Variants in CHD7 observed in about 807,000 individuals in gnomAD.
CHD7 encodes chromodomain helicase DNA binding protein 7, also known as ATP-dependent chromatin remodeler CHD7.
CHD7 carries 24 observed loss-of-function variants against 307.3 expected under a neutral mutation model. That is an observed-to-expected ratio of 0.08 (90% CI 0.06 to 0.11). The LOEUF is 0.11. CHD7 is among the 10% of genes least tolerant of loss of function. CHD7 has a pLI of 1.00. For synonymous variants in CHD7, 1,363 were observed against 1,349.9 expected, an observed-to-expected ratio of 1.01 and a Z score of -0.21; for missense variants, 3,106 against 3,727.1, an observed-to-expected ratio of 0.83 and a Z score of 4.34.
intron 7 of CHD7, 61 bp downstream of exon 7, chr8:60,808,333 A>ATT: frequency 2.0e-6 from 2 of 982,356 alleles, no homozygotes; most frequent in Non-Finnish European, 1.5e-6. Context: ...GTAAACGACC[A>ATT]TTTTTTTTTA....
chr8:60,831,509 G>A lies in CHD7; in HGVS notation c.3778+932G>A, dbSNP rs75563141. Among the ~76,000 whole-genome samples, 328 of 152,124 alleles carry A rather than the reference G, an allele frequency of 2.2e-3. 1 individual carries two copies. The highest frequency in any genetic ancestry group is 6.9e-3 in the African/African-American group (285 of 41,504). ...GCTGCAGAATTCCTTAAAGGCTAGT[G>A]CATGGAACCTCCACTCTACTCTGCA... is the stretch of plus-strand genomic sequence containing the variant. On this transcript the variant is annotated intron_variant, in intron 15 of 37. Coordinates refer to ENST00000423902, the MANE Select transcript of CHD7 (RefSeq NM_017780.4).
intron 2 of CHD7, among the ~76,000 whole-genome samples, chr8:60,764,385 A>C (rs1810369666): frequency 6.6e-6 from 1 of 152,000 alleles, no homozygotes; most frequent in South Asian, 2.1e-4. Context: ...AATTAAAAAG[A>C]AGTAAGATTG....
At chr8:60,762,186 C>G (rs1472815297) in intron 2 of CHD7, among the ~76,000 whole-genome samples, 4 of 152,200 alleles carry the variant, frequency 2.6e-5, no homozygotes, top group African/African-American at 7.2e-5. Flanking sequence ...ACAAAAGCCC[C>G]ATCTTCCTCT....
chr8:60,790,892 G>C (rs892472054), intron 3 of CHD7, among the ~76,000 whole-genome samples: 5 of 152,290 alleles, frequency 3.3e-5, no homozygotes, highest in Admixed American at 6.5e-5. Context: ...GTCTGATCTA[G>C]ACCATGGTGA....
chr8:60,742,228 G>A lies in CHD7; in HGVS notation c.796G>A (p.Gly266Arg). The A allele has an allele frequency of 6.2e-7, 1 of 1,613,804 alleles. No individual in the cohort carries two copies. Among genetic ancestry groups the A allele is most frequent in the East Asian group, 2.2e-5 (1 of 44,856 alleles). The stretch of plus-strand genomic sequence containing the variant: ...TCACCACCCCTCTACTGCTCTCCAT[G>A]GAGAATCCGTTGCCCACAGTCCCAG... ...FHHHPSTALH[G>R]ESVAHSPRFS... The change falls in exon 2 of 38, where the codon GGA (glycine) becomes AGA (arginine). Residue 266 changes from glycine to arginine, a missense_variant. By Grantham distance (125) the Gly-to-Arg change is moderately radical. Around this residue, in one of 10 missense-constraint regions of CHD7, gnomAD observed 998 missense variants for 1,004.5 expected, o/e 0.99. Transcript: ENST00000423902.
At chr8:60,735,992 C>T (rs13256023) in intron 1 of CHD7, among the ~76,000 whole-genome samples, 42,191 of 152,076 alleles carry the variant, frequency 0.28, 7,576 homozygotes, top group African/African-American at 0.51. Context: ...TTACACAGCA[C>T]CGTCATAGAG....
At position 60,850,634 on chromosome 8, in the gene CHD7, A is replaced by G; in HGVS notation, c.5534+12A>G. On this transcript the variant is annotated intron_variant, in intron 26 of 37. Transcript: ENST00000423902. ...GATGGTGGTGACGGGTAAGAAGGACATTTTAAAATTTGAATAAACTTTATG... is the reference window on the plus strand; with the variant it reads ...GATGGTGGTGACGGGTAAGAAGGACGTTTTAAAATTTGAATAAACTTTATG... 1 of 1,602,636 alleles carries G rather than the reference A, an allele frequency of 6.2e-7. No homozygotes were observed. Among genetic ancestry groups the G allele is most frequent in the Non-Finnish European group, 8.5e-7 (1 of 1,174,188 alleles).
chr8:60,824,847 A>T (rs147514427), intron 13 of CHD7: 17 of 152,150 alleles, frequency 1.1e-4, no homozygotes, highest in Non-Finnish European at 2.2e-4. Context: ...TCGTAGGAGT[A>T]GAAGGATTTG....
intron 1 of CHD7, among the ~76,000 whole-genome samples, chr8:60,723,432 G>A (rs10957157): frequency 0.11 from 17,172 of 151,990 alleles, 1,645 homozygotes; most frequent in East Asian, 0.37. Context: ...TATGCAATCT[G>A]CTTCTCCTCT....
rs1563632083 is a variant in CHD7, at chr8:60,823,400, TAGATAG to T, written c.3202-438_3202-433del. ...TATATATGTTTTTGCTATATATAGA[TAGATAG>T]ATAGATAGATAGATAGATAGATAGA... On this transcript the variant is annotated intron_variant, in intron 12 of 37. Coordinates refer to ENST00000423902, the MANE Select transcript of CHD7 (RefSeq NM_017780.4). Among the ~76,000 whole-genome samples, 732 of 93,862 alleles carry T rather than the reference TAGATAG, an allele frequency of 7.8e-3. 9 individuals carry two copies. The highest frequency in any genetic ancestry group is 0.026 in the African/African-American group (671 of 25,864). The allele number at this position is 93,862 out of a possible 152,430, so 61.6% of individuals were successfully genotyped here.
chr8:60,775,862 A>G (rs915168125), intron 2 of CHD7, among the ~76,000 whole-genome samples: 4 of 152,154 alleles, frequency 2.6e-5, no homozygotes, highest in African/African-American at 4.8e-5. Context: ...GGTTCAAGCA[A>G]TTCTCCTGCC....
At chr8:60,778,950 A>T (rs1811076929) in intron 2 of CHD7, among the ~76,000 whole-genome samples, 2 of 152,302 alleles carry the variant, frequency 1.3e-5, no homozygotes, top group Admixed American at 6.5e-5. Context: ...GGCAGTGTTT[A>T]GTTAGTTGTG....
chr8:60,780,893 T>C, intron 2 of CHD7, 107 bp from the exon 3 acceptor site: 1 of 1,309,774 alleles, frequency 7.6e-7, no homozygotes, highest in Non-Finnish European at 9.8e-7. Context: ...AAATATTTGC[T>C]ACCTGAGTAT....
chr8:60,735,472 A>C (rs1192347709), intron 1 of CHD7, among the ~76,000 whole-genome samples: 1 of 152,184 alleles, frequency 6.6e-6, no homozygotes, highest in African/African-American at 2.4e-5. Context: ...CCTTAGAAGG[A>C]CTTCACATAC....
chr8:60,830,146 C>T, intron 14 of CHD7, among the ~76,000 whole-genome samples, 176 bp from the exon 15 acceptor site: 1 of 152,238 alleles, frequency 6.6e-6, no homozygotes, highest in South Asian at 2.1e-4. Context: ...AATTATGCAA[C>T]CTTCATGCAC....
Position 60,741,610 on chromosome 8 carries a change from A to G in CHD7, c.178A>G (p.Asn60Asp). 1.2e-6 allele frequency: 2 copies of G among 1,613,782 alleles called. No individual in the cohort carries two copies. Among genetic ancestry groups the G allele is most frequent in the South Asian group, 2.2e-5 (2 of 91,016 alleles). The change falls in exon 2 of 38, where the codon AAT (asparagine) becomes GAT (aspartate). Residue 60 changes from asparagine to aspartate, a missense_variant. Transcript: ENST00000423902. Reference protein sequence around the residue: ...LQPSLHHPSTNQNQTKLTHFD... With the variant: ...LQPSLHHPSTDQNQTKLTHFD... ...GCCATCCCTTCATCATCCTTCAACT[A>G]ATCAAAATCAAACAAAGCTGACACA... is the stretch of plus-strand genomic sequence containing the variant.
At chr8:60,841,486 G>A (rs1290078220) in intron 19 of CHD7, among the ~76,000 whole-genome samples, 158 bp from the exon 20 acceptor site, 1 of 152,220 alleles carries the variant, frequency 6.6e-6, no homozygotes, top group African/African-American at 2.4e-5. Context: ...TCAGTGAGCT[G>A]CCTGAGGGCC....
In CHD7 at chr8:60,837,699, G is replaced by A. The variant is rs1222155579; in HGVS notation, c.4217G>A (p.Ser1406Asn). 6.3e-7 allele frequency: 1 copy of A among 1,587,388 alleles called. No individual in the cohort carries two copies. Among genetic ancestry groups the A allele is most frequent in the Non-Finnish European group, 8.6e-7 (1 of 1,165,996 alleles). Residue 1406 changes from serine (S) to asparagine (N), a missense_variant, in exon 18 of 38, where the codon AGC (serine) becomes AAC (asparagine). This residue lies in a region of CHD7 where 93 missense variants were observed against 176.4 expected (regional missense o/e 0.53). Transcript: ENST00000423902. The stretch of plus-strand genomic sequence containing the variant: ...GCTAGATGTCATAGAATAGGACAGA[G>A]CAAATCTGTGAAAATCTACAGGCTG... Reference protein sequence around the residue: ...AQARCHRIGQSKSVKIYRLIT... With the variant: ...AQARCHRIGQNKSVKIYRLIT...
chr8:60,784,424 C>T (rs1811397821), intron 3 of CHD7, among the ~76,000 whole-genome samples: 3 of 152,180 alleles, frequency 2.0e-5, no homozygotes, highest in Admixed American at 2.0e-4. Context: ...CTCTGCAGCC[C>T]TGTATGCCAT....
Sources: allele counts gnomAD v4.1 joint callset (sites outside exome capture counted in the v4.1 genomes callset), GRCh38; gene constraint gnomAD v4.1.1; regional missense constraint gnomAD v4.1.1; transcripts MANE v1.5; gene names NCBI Gene and HGNC (gene_info 2026-07-23, HGNC 2026-07-21).